TRPC4: variants seen among roughly 807,000 people sequenced by gnomAD.
TRPC4 encodes the protein transient receptor potential cation channel subfamily C member 4, also known as short transient receptor potential channel 4.
TRPC4 carries 49 observed loss-of-function variants against 99.4 expected under a neutral mutation model. The ratio of observed to expected loss-of-function variants is 0.49; its 90% CI spans 0.39 to 0.63. The LOEUF is 0.63. Ranked by LOEUF, TRPC4 falls within the 20% of genes least tolerant of loss-of-function variation. The pLI is 0.00. For missense variants in TRPC4, 898 were observed against 1,152.9 expected, an observed-to-expected ratio of 0.78 and a Z score of 3.20; for synonymous variants, 454 against 425.9, an observed-to-expected ratio of 1.07 and a Z score of -0.81.
chr13:37,670,767 T>A (rs1422533733), intron 5 of TRPC4, among the ~76,000 whole-genome samples: 1 of 152,184 alleles, frequency 6.6e-6, no homozygotes, highest in Non-Finnish European at 1.5e-5. Flanking sequence ...AAAGTCCTTC[T>A]CACCTTCTCC....
intron 1 of TRPC4, among the ~76,000 whole-genome samples, chr13:37,801,380 C>G (rs748733700): frequency 2.0e-5 from 3 of 152,070 alleles, no homozygotes; most frequent in Non-Finnish European, 2.9e-5. Context: ...CACTTCTTCA[C>G]TCTACTCTAG....
chr13:37,794,401 T>C (rs1957198420), intron 1 of TRPC4, among the ~76,000 whole-genome samples: 1 of 152,112 alleles, frequency 6.6e-6, no homozygotes, highest in Admixed American at 6.6e-5. Context: ...TAGGTAGAAA[T>C]TACAAAGAAA....
At chr13:37,801,238 T>C (rs907705929) in intron 1 of TRPC4, among the ~76,000 whole-genome samples, 2 of 152,176 alleles carry the variant, frequency 1.3e-5, no homozygotes, top group Non-Finnish European at 2.9e-5. Context: ...ATGGCAAATA[T>C]TTTTAAAAGT....
chr13:37,687,385 T>G (rs1270013814), intron 4 of TRPC4, among the ~76,000 whole-genome samples: 4 of 152,180 alleles, frequency 2.6e-5, no homozygotes, highest in African/African-American at 9.7e-5. Flanking sequence ...AAAGGGATAA[T>G]TTATAGCAAA....
intron 2 of TRPC4, among the ~76,000 whole-genome samples, chr13:37,779,110 T>C (rs1272504034): frequency 1.3e-5 from 2 of 151,970 alleles, no homozygotes; most frequent in African/African-American, 4.8e-5. Flanking sequence ...AACAAAAAAA[T>C]TGAAAAGCAA....
chr13:37,827,032 A>T (rs995471807), intron 1 of TRPC4, among the ~76,000 whole-genome samples: 5 of 151,752 alleles, frequency 3.3e-5, no homozygotes, highest in African/African-American at 1.2e-4. Flanking sequence ...TTCATCTTCC[A>T]TTGCTGATAC....
intron 2 of TRPC4, among the ~76,000 whole-genome samples, chr13:37,777,267 C>G (rs1212873083): frequency 6.6e-6 from 1 of 151,908 alleles, no homozygotes; most frequent in Non-Finnish European, 1.5e-5. Flanking sequence ...CACAGTTCCA[C>G]AGGCTATACA....
chr13:37,664,412 A>G (rs1952566401), intron 5 of TRPC4, among the ~76,000 whole-genome samples: 1 of 152,012 alleles, frequency 6.6e-6, no homozygotes, highest in Admixed American at 6.6e-5. Context: ...CGTCTCTACT[A>G]AAAATACAAA....
intron 4 of TRPC4, among the ~76,000 whole-genome samples, chr13:37,684,852 A>T (rs1485858944): frequency 6.6e-6 from 1 of 151,588 alleles, no homozygotes; most frequent in Non-Finnish European, 1.5e-5. Flanking sequence ...TTTAAAAAAT[A>T]ATAATGTCCT....
chr13:37,821,247 C>T (rs541190724), intron 1 of TRPC4, among the ~76,000 whole-genome samples: 10 of 146,896 alleles, frequency 6.8e-5, no homozygotes, highest in African/African-American at 2.5e-4. Context: ...CCTAGGAATA[C>T]AGCTGACCAG....
rs187165402 is a variant in TRPC4 at position 37,816,179 on chromosome 13, C to T, written c.-27-32819G>A. Among the ~76,000 whole-genome samples, 17 of 151,876 alleles carry T rather than the reference C, an allele frequency of 1.1e-4. No individual in the cohort carries two copies. The East Asian group carries it at 3.1e-3, about 28-fold the overall frequency. ...GAAATATGTCGAATTCATGGAAGGG[C>T]ATTATATAATAGTAAAGGATTCAAG... On this transcript the variant is annotated intron_variant, in intron 1 of 10. Coordinates refer to ENST00000379705, the MANE Select transcript of TRPC4 (RefSeq NM_016179.4).
At chr13:37,756,175 T>G (rs1324519526) in intron 2 of TRPC4, among the ~76,000 whole-genome samples, 1 of 152,160 alleles carries the variant, frequency 6.6e-6, no homozygotes, top group African/African-American at 2.4e-5. Context: ...TGTACATGTG[T>G]GCACACACAC....
intron 3 of TRPC4, among the ~76,000 whole-genome samples, chr13:37,698,011 A>G (rs1427897370): frequency 1.3e-5 from 2 of 151,932 alleles, no homozygotes; most frequent in African/African-American, 2.4e-5. Context: ...GGGACAAGCC[A>G]TACAGTGGTG....
chr13:37,799,103 T>G (rs1196493629), intron 1 of TRPC4, among the ~76,000 whole-genome samples: 1 of 152,024 alleles, frequency 6.6e-6, no homozygotes, highest in African/African-American at 2.4e-5. Context: ...AGCTAATTTT[T>G]TTTTGTATTT....
intron 1 of TRPC4, among the ~76,000 whole-genome samples, chr13:37,801,347 T>A (rs1440224537): frequency 6.6e-6 from 1 of 152,092 alleles, no homozygotes; most frequent in Non-Finnish European, 1.5e-5. Flanking sequence ...ATAAACAATG[T>A]TCTCCTGCAT....
chr13:37,682,822 T>C (rs555046975), intron 4 of TRPC4, among the ~76,000 whole-genome samples: 1 of 151,886 alleles, frequency 6.6e-6, no homozygotes, highest in African/African-American at 2.4e-5. Flanking sequence ...GCATTATATC[T>C]CACTGCATCC....
chr13:37,811,334 C>G (rs780656329), intron 1 of TRPC4, among the ~76,000 whole-genome samples: 4 of 152,030 alleles, frequency 2.6e-5, no homozygotes, highest in Non-Finnish European at 5.9e-5. Context: ...ATAAATGAAA[C>G]AACAGATTTA....
At chr13:37,831,682 AC>A (rs1958424689) in intron 1 of TRPC4, among the ~76,000 whole-genome samples, 2 of 152,266 alleles carry the variant, frequency 1.3e-5, no homozygotes, top group South Asian at 4.1e-4. Context: ...GTATACATAC[AC>A]AATAGAATAC....
intron 3 of TRPC4, among the ~76,000 whole-genome samples, chr13:37,694,228 G>A (rs796951405): frequency 7.2e-5 from 11 of 152,174 alleles, no homozygotes; most frequent in African/African-American, 2.4e-4. Context: ...CTTGATAAAA[G>A]AGAGTTAAGA....
Sources: allele counts gnomAD v4.1 joint callset (sites outside exome capture counted in the v4.1 genomes callset), GRCh38; gene constraint gnomAD v4.1.1; transcripts MANE v1.5; gene names NCBI Gene and HGNC (gene_info 2026-07-23, HGNC 2026-07-21).